The following ATP5MC2 variants were observed in gnomAD, a reference collection of about 807,000 sequenced individuals.
ATP5MC2 encodes ATP synthase F(0) complex subunit C2, mitochondrial.
Under a neutral mutation model 13.5 loss-of-function variants are expected in ATP5MC2, and 11 were observed. The ratio of observed to expected loss-of-function variants is 0.81; its 90% CI spans 0.51 to 1.35. The LOEUF (loss-of-function observed/expected upper bound fraction) is 1.35. Ranked by LOEUF, ATP5MC2 falls within the 40% of genes most tolerant of loss-of-function variation. ATP5MC2 has a pLI of 0.00. For synonymous variants in ATP5MC2, 64 were observed against 69.7 expected (o/e 0.92, Z 0.41); for missense variants, 132 against 175.0 (o/e 0.75, Z 1.39).
intron 4 of ATP5MC2, 103 bp downstream of exon 4, chr12:53,669,045 G>C: frequency 7.4e-7 from 1 of 1,359,748 alleles, no homozygotes; most frequent in East Asian, 2.5e-5. Flanking sequence ...ACAACATGTA[G>C]CTAGTGGCTA....
upstream of ATP5MC2, chr12:53,676,230 C>A (rs1271303400): frequency 1.3e-6 from 2 of 1,597,170 alleles, no homozygotes; most frequent in African/African-American, 2.7e-5. Flanking sequence ...GGTATCCGGC[C>A]GGTTGCTCCA....
At position 53,669,208 on chromosome 12, in the gene ATP5MC2, AC is replaced by A. The variant is rs1404606885; in HGVS notation, c.250del (p.Val84TrpfsTer25). The A allele has an allele frequency of 6.2e-7, 1 of 1,613,882 alleles. No individual in the cohort carries two copies. The highest frequency in any genetic ancestry group is 1.7e-5 in the Admixed American group (1 of 59,990). On this transcript the variant is annotated frameshift_variant, in exon 4 of 5. Transcript: ENST00000394349. LOFTEE classifies it high-confidence loss of function. ...TCCAATCCCAGCCCCAGAACCAGCC[AC>A]CCCAACTGTGGCAGCCCCAGCTCCA... ...FIGAGAATVG[V>X]AGSGAGIGTV...
At chr12:53,678,365 CAT>C (rs1945319678), upstream of ATP5MC2, among the ~76,000 whole-genome samples, 1 of 83,358 alleles carries the variant, frequency 1.2e-5, no homozygotes. Context: ...CCACCACCAC[CAT>C]CACCACCATC....
chr12:53,675,904 A>G (rs1208528777), intron 1 of ATP5MC2, 149 bp downstream of exon 1: 1 of 1,255,718 alleles, frequency 8.0e-7, no homozygotes, highest in African/African-American at 1.5e-5. Context: ...GGAAGAGCCA[A>G]CTCTAAGGCT....
At chr12:53,671,104 C>T (rs4759279) in intron 2 of ATP5MC2, among the ~76,000 whole-genome samples, 73,164 of 152,054 alleles carry the variant, frequency 0.48, 18,313 homozygotes, top group East Asian at 0.95. Flanking sequence ...ATGCTCAAAA[C>T]TCACCTCCTT....
At chr12:53,674,201 G>A (rs1009005607) in intron 1 of ATP5MC2, among the ~76,000 whole-genome samples, 4 of 152,142 alleles carry the variant, frequency 2.6e-5, no homozygotes, top group Non-Finnish European at 5.9e-5. Context: ...AAATTAGCCA[G>A]GTGAGGTGGA....
At position 53,669,345 on chromosome 12, in the gene ATP5MC2, T is replaced by C. The variant is rs1403832274; in HGVS notation, c.118-4A>G. On this transcript the variant is annotated splice_region_variant and splice_polypyrimidine_tract_variant and intron_variant, in intron 3 of 4. Transcript: ENST00000394349. ...AGACTGCCAAGCTGCTGAGGCTCTG[T>C]GAAAAAGAGGCAGGTAGAAGGTAAA... is the stretch of plus-strand genomic sequence containing the variant. 6.2e-7 allele frequency: 1 copy of C among 1,608,070 alleles called. No homozygotes were observed. Among genetic ancestry groups the C allele is most frequent in the Non-Finnish European group, 8.5e-7 (1 of 1,177,010 alleles).
chr12:53,672,072 A>G (rs1945109225), intron 2 of ATP5MC2, among the ~76,000 whole-genome samples: 1 of 122,916 alleles, frequency 8.1e-6, no homozygotes, highest in Non-Finnish European at 1.6e-5. Context: ...AACAAGAGCG[A>G]AACTCTGTCT....
At chr12:53,665,539 T>TA (rs1944890746) in intron 4 of ATP5MC2, 111 bp from the exon 5 acceptor site, 4 of 922,954 alleles carry the variant, frequency 4.3e-6, no homozygotes, top group Admixed American at 2.2e-5. Context: ...TCTCACATAA[T>TA]AAAGAAGCTT....
upstream of ATP5MC2, chr12:53,676,383 A>G (rs2120418426): frequency 1.3e-6 from 1 of 747,922 alleles, no homozygotes; most frequent in African/African-American, 1.8e-5. Context: ...CTTTCCGAGC[A>G]TGCGCAGTCG....
intron 4 of ATP5MC2, among the ~76,000 whole-genome samples, chr12:53,666,250 C>T (rs543729426): frequency 1.3e-5 from 2 of 151,896 alleles, no homozygotes; most frequent in East Asian, 1.9e-4. Flanking sequence ...TCGAGACCAG[C>T]CTGGCCAACC....
chr12:53,669,382 T>G, intron 3 of ATP5MC2, 41 bp from the exon 4 acceptor site: 8 of 1,582,556 alleles, frequency 5.1e-6, no homozygotes, highest in Non-Finnish European at 6.9e-6. Flanking sequence ...TTTTTTGCTT[T>G]GGTAACTTTT....
Position 53,669,353 on chromosome 12 carries a change from A to T in ATP5MC2, c.118-12T>A, listed in dbSNP as rs1011560400. 1 of 1,607,024 alleles carries T rather than the reference A, an allele frequency of 6.2e-7. No individual in the cohort carries two copies. Among genetic ancestry groups the T allele is most frequent in the East Asian group, 2.2e-5 (1 of 44,770 alleles). On this transcript the variant is annotated splice_polypyrimidine_tract_variant and intron_variant, in intron 3 of 4. Transcript: ENST00000394349. Reference sequence around the variant, plus strand: ...AAGCTGCTGAGGCTCTGTGAAAAAGAGGCAGGTAGAAGGTAAAGTTTTTTG... The same window carrying T: ...AAGCTGCTGAGGCTCTGTGAAAAAGTGGCAGGTAGAAGGTAAAGTTTTTTG...
At chr12:53,669,720 T>G in intron 3 of ATP5MC2, 151 bp downstream of exon 3, 1 of 821,090 alleles carries the variant, frequency 1.2e-6, no homozygotes, top group Non-Finnish European at 2.0e-6. Context: ...GTATTAAGTG[T>G]CCTCCATCTC....
intron 1 of ATP5MC2, among the ~76,000 whole-genome samples, chr12:53,675,278 G>A (rs1272630793): frequency 6.6e-6 from 1 of 152,158 alleles, no homozygotes; most frequent in African/African-American, 2.4e-5. Flanking sequence ...TCACAGGAAA[G>A]CTGGCAGGCA....
intron 2 of ATP5MC2, among the ~76,000 whole-genome samples, chr12:53,670,846 T>C (rs550806703): frequency 6.6e-6 from 1 of 151,936 alleles, no homozygotes; most frequent in South Asian, 2.1e-4. Flanking sequence ...TGGTTTTGAA[T>C]TCCTGACCTC....
upstream of ATP5MC2, among the ~76,000 whole-genome samples, chr12:53,679,269 G>GAGAGAGAT (rs1418853919): frequency 1.3e-5 from 2 of 151,244 alleles, no homozygotes; most frequent in Non-Finnish European, 2.9e-5. Flanking sequence ...GAGAGAGAGA[G>GAGAGAGAT]AGAGAGAGAG....
intron 4 of ATP5MC2, among the ~76,000 whole-genome samples, chr12:53,666,674 T>C (rs1944923048): frequency 6.7e-6 from 1 of 148,242 alleles, no homozygotes. Context: ...GCAAGAGAAT[T>C]GCTTGAACCC....
intron 4 of ATP5MC2, among the ~76,000 whole-genome samples, chr12:53,667,954 C>CATATATATATATATATAT (rs1464740488): frequency 1.1e-4 from 3 of 26,964 alleles, no homozygotes; most frequent in South Asian, 1.8e-3. Context: ...TACATACACA[C>CATATATATATATATATAT]ACATATATAT....
Sources: allele counts gnomAD v4.1 joint callset (sites outside exome capture counted in the v4.1 genomes callset), GRCh38; gene constraint gnomAD v4.1.1; transcripts MANE v1.5; gene names NCBI Gene and HGNC (gene_info 2026-07-23, HGNC 2026-07-21).